The following OPTC variants were observed in gnomAD, a reference collection of about 807,000 sequenced individuals.
The protein encoded by OPTC is oculoglycan.
Under a neutral mutation model 25.4 loss-of-function variants are expected in OPTC, and 22 were observed. The ratio of observed to expected loss-of-function variants is 0.87; its 90% confidence interval spans 0.62 to 1.24. The LOEUF (loss-of-function observed/expected upper bound fraction) is 1.24. Among genes scored for constraint, OPTC ranks in the 50% most tolerant of loss-of-function variants. OPTC has a pLI of 0.00. For synonymous variants in OPTC, 169 were observed against 179.3 expected (o/e 0.94, Z 0.46); for missense variants, 417 against 425.2 (o/e 0.98, Z 0.17).
chr1:203,495,804 C>A (rs2242200), intron 1 of OPTC, among the ~76,000 whole-genome samples, 161 bp from the exon 2 acceptor site: 2 of 152,054 alleles, frequency 1.3e-5, no homozygotes, highest in East Asian at 3.9e-4. Flanking sequence ...GAGATACCCC[C>A]CAAGACATAG....
chr1:203,495,247 G>A (rs1423811937), intron 1 of OPTC, among the ~76,000 whole-genome samples: 1 of 148,944 alleles, frequency 6.7e-6, no homozygotes, highest in Non-Finnish European at 1.5e-5. Flanking sequence ...AACTGGGCGC[G>A]GTGGCTCACA....
In OPTC at chr1:203,498,726, A is replaced by G; in HGVS notation, c.416A>G (p.Tyr139Cys). ...LVCVCLGSSV[Y>C]CDDIDLEDIP... ...TGCGTGTGCCTCGGTTCCTCTGTGT[A>G]TTGCGATGACATTGACCTAGAGGAC... The change falls in exon 4 of 8, where the codon TAT (tyrosine) becomes TGT (cysteine). Residue 139 changes from tyrosine to cysteine, a missense_variant. Tyr to Cys is a radical substitution (Grantham distance 194, BLOSUM62 -2). Coordinates refer to ENST00000367222, the MANE Select transcript of OPTC (RefSeq NM_014359.4). 1 of 1,614,136 alleles carries G rather than the reference A, an allele frequency of 6.2e-7. No individual in the cohort carries two copies. The highest frequency in any genetic ancestry group is 1.7e-5 in the Admixed American group (1 of 60,024).
intron 4 of OPTC, 46 bp downstream of exon 4, chr1:203,498,885 G>A (rs748230235): frequency 1.3e-6 from 2 of 1,591,566 alleles, no homozygotes; most frequent in Non-Finnish European, 8.6e-7. Context: ...GGCATATGCA[G>A]CCACCCTGCC....
At chr1:203,502,853 T>C in intron 5 of OPTC, 61 bp from the exon 6 acceptor site, 1 of 1,306,742 alleles carries the variant, frequency 7.7e-7, no homozygotes, top group Non-Finnish European at 1.1e-6. Context: ...CTCATAGCCC[T>C]CCTCACTGCC....
At chr1:203,500,282 TCCACCACCCACCTCCACCA>T (rs1661369090) in intron 5 of OPTC, among the ~76,000 whole-genome samples, 1 of 7,940 alleles carries the variant, frequency 1.3e-4, no homozygotes, top group Non-Finnish European at 2.3e-4. Flanking sequence ...CACCTCCACC[TCCACCACCCACCTCCACCA>T]CCACCACCCA....
chr1:203,495,505 A>G (rs1222627838), intron 1 of OPTC, among the ~76,000 whole-genome samples: 1 of 152,318 alleles, frequency 6.6e-6, no homozygotes, highest in African/African-American at 2.4e-5. Flanking sequence ...AACAAGAATG[A>G]AACTTCGTCT....
rs373174117 is a variant in OPTC at position 203,503,767 on chromosome 1, T to C, written c.*25+22T>C. The C allele has an allele frequency of 1.3e-5, 21 of 1,578,582 alleles. 1 individual carries two copies. The African/African-American group carries it at 2.0e-4, about 15-fold the overall frequency. The stretch of plus-strand genomic sequence containing the variant: ...CCAGGTAAGAACCCTCCAAGGACCA[T>C]GCAGGCATGGGCCTCCAGCCATAAA... On this transcript the variant is annotated intron_variant, in intron 7 of 7. Coordinates refer to ENST00000367222, the MANE Select transcript of OPTC (RefSeq NM_014359.4).
At chr1:203,505,703 G>A (rs4971242) in intron 7 of OPTC, among the ~76,000 whole-genome samples, 24,091 of 152,198 alleles carry the variant, frequency 0.16, 2,053 homozygotes, top group East Asian at 0.32. Flanking sequence ...ACTGGCAGTG[G>A]GAAGTCTTGA....
In OPTC at chr1:203,505,948, C is replaced by CTGTGTGTG. The variant is rs560311633; in HGVS notation, c.*25+2203_*25+2204insTGTGTGTG. Among the ~76,000 whole-genome samples the CTGTGTGTG allele has an allele frequency of 3.6e-4, 50 of 140,822 alleles. 1 individual carries two copies. In the East Asian group the frequency reaches 7.5e-3, roughly 21 times the overall value. 92.4% of individuals were successfully genotyped at this position (140,822 alleles called of 152,430 possible). A position where few individuals can be genotyped will look rare whatever the true frequency, so the allele number is the denominator to read the frequency against. ...TCTCTGTGTGTGTCTCTCTCTCTCT[C>CTGTGTGTG]AGAGTGTGTGTGTGTGTGTGTGTTT... On this transcript the variant is annotated intron_variant, in intron 7 of 7. Coordinates refer to ENST00000367222, the MANE Select transcript of OPTC (RefSeq NM_014359.4).
chr1:203,501,757 G>A (rs1046693062), intron 5 of OPTC, among the ~76,000 whole-genome samples: 2 of 152,076 alleles, frequency 1.3e-5, no homozygotes, highest in African/African-American at 2.4e-5. Context: ...ACAGAACAGC[G>A]TCACTACCAC....
At chr1:203,506,153 T>C (rs1305502084) in intron 7 of OPTC, among the ~76,000 whole-genome samples, 1 of 136,358 alleles carries the variant, frequency 7.3e-6, no homozygotes, top group African/African-American at 2.7e-5. Flanking sequence ...TTCTTTTTTC[T>C]TTTTTTTTTT....
chr1:203,501,684 C>T (rs1227290521), intron 5 of OPTC, among the ~76,000 whole-genome samples: 1 of 152,172 alleles, frequency 6.6e-6, no homozygotes, highest in Non-Finnish European at 1.5e-5. Flanking sequence ...CTTGCCCTGC[C>T]CTCCCCAGTG....
chr1:203,501,664 T>C (rs1337613949), intron 5 of OPTC, among the ~76,000 whole-genome samples: 4 of 152,348 alleles, frequency 2.6e-5, no homozygotes, highest in South Asian at 4.1e-4. Flanking sequence ...GAGGCACACC[T>C]GCTTGCTCTC....
At chr1:203,496,614 G>C (rs1295466320) in intron 2 of OPTC, among the ~76,000 whole-genome samples, 2 of 152,164 alleles carry the variant, frequency 1.3e-5, no homozygotes, top group Non-Finnish European at 2.9e-5. Flanking sequence ...CAGCAGCGTG[G>C]GGTGCAAGCC....
At position 203,497,048 on chromosome 1, in the gene OPTC, C is replaced by T. The variant is rs1358638493; in HGVS notation, c.303C>T (p.Pro101=). The T allele has an allele frequency of 3.7e-6, 6 of 1,614,110 alleles. No homozygotes were observed. The highest frequency in any genetic ancestry group is 3.3e-5 in the South Asian group (3 of 91,082). ...PAKSTTAPGT[P]SSNPTMTRPT... is the part of the protein sequence containing the mutation. ...AGAGCACTACGGCTCCAGGGACACC[C>T]TCGTCAAACCCCACGATGACCAGAC... is the stretch of plus-strand genomic sequence containing the variant. Residue 101 remains proline, a synonymous_variant, in exon 3 of 8, where the codon CCC becomes CCT. Coordinates refer to ENST00000367222, the MANE Select transcript of OPTC (RefSeq NM_014359.4).
Position 203,503,025 on chromosome 1 carries a change from C to CTCCTTACCTGCAGGTGTGATAAACAGCA in OPTC, c.828+16_828+17insTCCTTACCTGCAGGTGTGATAAACAGCA, listed in dbSNP as rs1661416300. Reference sequence around the variant, plus strand: ...ACACCTGCAGGTAAGGAGCACCACCCAGAGCAAGGGTGATAAACAGCGTGG... The same window carrying CTCCTTACCTGCAGGTGTGATAAACAGCA: ...ACACCTGCAGGTAAGGAGCACCACCCTCCTTACCTGCAGGTGTGATAAACAGCAAGAGCAAGGGTGATAAACAGCGTGG... On this transcript the variant is annotated intron_variant, in intron 6 of 7. Coordinates refer to ENST00000367222, the MANE Select transcript of OPTC (RefSeq NM_014359.4). The CTCCTTACCTGCAGGTGTGATAAACAGCA allele has an allele frequency of 1.3e-6, 2 of 1,596,718 alleles. No homozygotes were observed. Among genetic ancestry groups the CTCCTTACCTGCAGGTGTGATAAACAGCA allele is most frequent in the East Asian group, 4.5e-5 (2 of 44,790 alleles).
At chr1:203,503,849 G>A (rs866579330) in intron 7 of OPTC, 104 bp downstream of exon 7, 10 of 981,052 alleles carry the variant, frequency 1.0e-5, no homozygotes, top group East Asian at 5.0e-5. Context: ...TCAACCTCTC[G>A]ATCCCTTGCA....
At chr1:203,501,763 A>G (rs1214447280) in intron 5 of OPTC, among the ~76,000 whole-genome samples, 1 of 152,072 alleles carries the variant, frequency 6.6e-6, no homozygotes, top group African/African-American at 2.4e-5. Context: ...CAGCGTCACT[A>G]CCACTGTTGT....
At chr1:203,495,174 A>T (rs911649250) in intron 1 of OPTC, among the ~76,000 whole-genome samples, 6 of 152,104 alleles carry the variant, frequency 3.9e-5, no homozygotes, top group Admixed American at 6.6e-5. Context: ...CTCAATAGAC[A>T]CCCATAAATG....
Sources: gnomAD v4.1 joint callset for allele counts (sites outside exome capture counted in the v4.1 genomes callset) on GRCh38, gnomAD v4.1.1 for gene constraint, MANE v1.5 for transcripts, NCBI Gene and HGNC (gene_info 2026-07-23, HGNC 2026-07-21) for gene names.